ABCC11: variants seen among roughly 807,000 people sequenced by gnomAD.
The protein encoded by ABCC11 is ATP binding cassette subfamily C member 11.
In ABCC11, 135 loss-of-function variants were observed where a neutral mutation model predicts 149.3. The observed-to-expected ratio is 0.90, with a 90% CI of 0.79 to 1.04. The LOEUF (loss-of-function observed/expected upper bound fraction) is 1.04. Ranked by LOEUF, ABCC11 falls within the 50% of genes least tolerant of loss-of-function variation. The pLI is 0.00. For missense variants in ABCC11, 1,680 were observed against 1,722.1 expected, an observed-to-expected ratio of 0.98 and a Z score of 0.43; for synonymous variants, 665 against 671.4, an observed-to-expected ratio of 0.99 and a Z score of 0.15.
At chr16:48,247,194 T>TA (rs1971441900) in intron 1 of ABCC11, 120 bp downstream of exon 1, 1 of 151,648 alleles carries the variant, frequency 6.6e-6, no homozygotes, top group African/African-American at 2.4e-5. Context: ...TTTTCTCTAA[T>TA]AGGGCCTTTA....
At chr16:48,180,325 G>A (rs950822143) in intron 23 of ABCC11, among the ~76,000 whole-genome samples, 1 of 152,238 alleles carries the variant, frequency 6.6e-6, no homozygotes. Flanking sequence ...GTGGGAGGAT[G>A]TGACACTTGG....
chr16:48,180,018 G>C (rs1302975744), intron 23 of ABCC11, among the ~76,000 whole-genome samples: 2 of 152,342 alleles, frequency 1.3e-5, no homozygotes, highest in African/African-American at 4.8e-5. Context: ...CCAGGGGCGG[G>C]TTGGAAGACC....
At position 48,216,325 on chromosome 16, in the gene ABCC11, C is replaced by A. The variant is rs766175567; in HGVS notation, c.778-38G>T. 1.6e-5 allele frequency: 26 copies of A among 1,595,674 alleles called. No homozygotes were observed. In the Middle Eastern group the frequency reaches 8.8e-4, roughly 54 times the overall value. ...AAGTTGATGGGCACAGATGTCACCT[C>A]CCTGGGTACACAGAAGGGGTGGCAG... On this transcript the variant is annotated intron_variant, in intron 6 of 29. Coordinates refer to ENST00000356608, the MANE Select transcript of ABCC11 (RefSeq NM_001370497.1).
In ABCC11 at chr16:48,196,277, A is replaced by G. The variant is rs1380666109; in HGVS notation, c.2359T>C (p.Ser787Pro). Residue 787 changes from serine to proline, a missense_variant, in exon 18 of 30, where the codon TCC becomes CCC. Transcript: ENST00000356608. ...LTQEEEMEEG[S>P]LSWRVYHHYI... Reference sequence around the variant, plus strand: ...TGGTGGTAGACCCTCCAACTCAAGGAGCCTTCTTCCATCTCCTCCTCCTGT... The same window carrying G: ...TGGTGGTAGACCCTCCAACTCAAGGGGCCTTCTTCCATCTCCTCCTCCTGT... 6.2e-6 allele frequency: 10 copies of G among 1,614,150 alleles called. No individual in the cohort carries two copies. The highest frequency in any genetic ancestry group is 8.5e-6 in the Non-Finnish European group (10 of 1,180,014).
At chr16:48,234,670 G>C (rs981351212) in intron 1 of ABCC11, among the ~76,000 whole-genome samples, 1 of 152,224 alleles carries the variant, frequency 6.6e-6, no homozygotes, top group Non-Finnish European at 1.5e-5. Context: ...CTTCCCAGAA[G>C]TGTCATAGTG....
In ABCC11 at chr16:48,176,932, G is replaced by A. The variant is rs757572924; in HGVS notation, c.3530C>T (p.Thr1177Met). The A allele has an allele frequency of 1.4e-5, 23 of 1,613,452 alleles. No individual in the cohort carries two copies. Among genetic ancestry groups the A allele is most frequent in the Middle Eastern group, 1.7e-4 (1 of 5,762 alleles). The change falls in exon 25 of 30, where the codon ACG becomes ATG. Residue 1177 changes from threonine to methionine, a missense_variant. By Grantham distance (81) the Thr-to-Met change is moderately conservative. Coordinates refer to ENST00000356608, the MANE Select transcript of ABCC11 (RefSeq NM_001370497.1). ...CAGGAAGCTCAGCTCACCAGAGCCC[G>A]TCCTTCCCACGATGCCCACCACTTC... ...GHEVVGIVGR[T>M]GSGKSSLGMA...
At chr16:48,173,522 A>G (rs772872548) in intron 26 of ABCC11, among the ~76,000 whole-genome samples, 5 of 152,370 alleles carry the variant, frequency 3.3e-5, no homozygotes, top group Non-Finnish European at 5.9e-5. Context: ...TACTCTTCAT[A>G]TCAACGCACA....
chr16:48,211,044 A>T lies in ABCC11; in HGVS notation c.1512T>A (p.Ser504=). The T allele has an allele frequency of 5.0e-6, 8 of 1,614,182 alleles. No individual in the cohort carries two copies. The highest frequency in any genetic ancestry group is 6.8e-6 in the Non-Finnish European group (8 of 1,180,026). Residue 504 remains serine (S), a synonymous_variant, in exon 11 of 30, where the codon TCT becomes TCA. Coordinates refer to ENST00000356608, the MANE Select transcript of ABCC11 (RefSeq NM_001370497.1). The stretch of plus-strand genomic sequence containing the variant: ...CATCTCTAGGCCTGGTCATCCCCTC[A>T]GAAGCATGCCCGTTCCTCTCCAGCT... ...ALELERNGHA[S]EGMTRPRDAL...
At position 48,224,374 on chromosome 16, in the gene ABCC11, C is replaced by G. The variant is rs1316067032; in HGVS notation, c.451G>C (p.Val151Leu). The change falls in exon 5 of 30, where the codon GTG becomes CTG. Residue 151 changes from valine to leucine, a missense_variant. Transcript: ENST00000356608. ...VSRRGIEKAS[V>L]LLVMLRFQRT... ...TGGAACCTCAGCATCACCAGAAGCA[C>G]TGAAGCTTTTTCAATCCCTCGCCTT... is the stretch of plus-strand genomic sequence containing the variant. 5.0e-6 allele frequency: 8 copies of G among 1,614,192 alleles called. No individual in the cohort carries two copies. Among genetic ancestry groups the G allele is most frequent in the Non-Finnish European group, 6.8e-6 (8 of 1,180,024 alleles).
chr16:48,170,081 G>C (rs1409236683), intron 28 of ABCC11, 24 bp downstream of exon 28: 1 of 1,598,508 alleles, frequency 6.3e-7, no homozygotes, highest in African/African-American at 1.3e-5. Context: ...GCTTCCCCTG[G>C]CCACACGGCA....
At chr16:48,236,262 T>A (rs193118247) in intron 1 of ABCC11, among the ~76,000 whole-genome samples, 8 of 152,316 alleles carry the variant, frequency 5.3e-5, no homozygotes, top group African/African-American at 1.7e-4. Flanking sequence ...GATCTTTGCA[T>A]TAGTCCTAAT....
At chr16:48,180,269 G>T (rs1399032704) in intron 23 of ABCC11, among the ~76,000 whole-genome samples, 3 of 152,220 alleles carry the variant, frequency 2.0e-5, no homozygotes, top group African/African-American at 7.2e-5. Context: ...TTTTAAAAAG[G>T]AACACATGGA....
rs1969107855 is a variant in ABCC11 at position 48,213,688 on chromosome 16, G to A, written c.1249-138C>T. 4 of 616,994 alleles carry A rather than the reference G, an allele frequency of 6.5e-6. No homozygotes were observed. In the South Asian group the frequency reaches 9.4e-5, roughly 15 times the overall value. The allele number at this position is 616,994 out of a possible 1,614,324, so 38.2% of individuals were successfully genotyped here. A position where few individuals can be genotyped will look rare whatever the true frequency, so the allele number is the denominator to read the frequency against. On this transcript the variant is annotated intron_variant, in intron 9 of 29. Transcript: ENST00000356608. ...TCCAACAGAGGCTAAGCTAGTGTTT[G>A]GAGGAGACTGGAAAAAGCTGGGGAA...
In ABCC11 at chr16:48,177,063, C is replaced by T. The variant is rs1555525130; in HGVS notation, c.3399G>A (p.Gln1133=). 6.2e-7 allele frequency: 1 copy of T among 1,614,188 alleles called. No individual in the cohort carries two copies. The highest frequency in any genetic ancestry group is 8.5e-7 in the Non-Finnish European group (1 of 1,180,026). The change falls in exon 25 of 30, where the codon CAG becomes CAA. Residue 1133 remains glutamine (Q), a synonymous_variant. Transcript: ENST00000356608. ...TGATTTCCCCATGCTGTGGCCACCC[C>T]TGGGGACAACTTGTGCCTTCCATGT... ...PLHMEGTSCP[Q]GWPQHGEIIF...
chr16:48,180,222 G>C (rs1966343188), intron 23 of ABCC11, among the ~76,000 whole-genome samples: 1 of 152,360 alleles, frequency 6.6e-6, no homozygotes, highest in African/African-American at 2.4e-5. Context: ...GGATGAGAAG[G>C]CATCAGATGG....
intron 6 of ABCC11, among the ~76,000 whole-genome samples, chr16:48,219,340 T>C (rs1969575295): frequency 6.6e-6 from 1 of 152,130 alleles, no homozygotes. Flanking sequence ...CAGCTAACTT[T>C]TTGCATTTTT....
intron 10 of ABCC11, among the ~76,000 whole-genome samples, chr16:48,212,330 G>A (rs1968995043): frequency 6.6e-6 from 1 of 152,068 alleles, no homozygotes; most frequent in Non-Finnish European, 1.5e-5. Flanking sequence ...CCTAGAACAG[G>A]CGTGTCCAAT....
At chr16:48,188,681 C>T (rs1222627404) in intron 20 of ABCC11, among the ~76,000 whole-genome samples, 1 of 152,198 alleles carries the variant, frequency 6.6e-6, no homozygotes, top group Non-Finnish European at 1.5e-5. Context: ...CTGTAACTTA[C>T]TCATTACGCA....
intron 24 of ABCC11, among the ~76,000 whole-genome samples, chr16:48,177,562 A>AACAACTTACTTAACGTAAGTTCC (rs1190084391): frequency 5.9e-5 from 9 of 152,250 alleles, no homozygotes; most frequent in Non-Finnish European, 7.3e-5. Context: ...ACTTAAGATC[A>AACAACTTACTTAACGTAAGTTCC]ACAACTTACT....
Sources: gnomAD v4.1 joint callset for allele counts (sites outside exome capture counted in the v4.1 genomes callset) on GRCh38, gnomAD v4.1.1 for gene constraint, MANE v1.5 for transcripts, NCBI Gene and HGNC (gene_info 2026-07-23, HGNC 2026-07-21) for gene names.